The following TMEM135 variants were observed in gnomAD, a reference collection of about 807,000 sequenced individuals.
TMEM135 encodes transmembrane protein 135, also known as peroxisomal membrane protein 52.
TMEM135 carries 30 observed loss-of-function variants against 60.3 expected under a neutral mutation model. The observed-to-expected ratio is 0.50, with a 90% CI of 0.37 to 0.68. TMEM135 has a LOEUF of 0.68. Ranked by LOEUF, TMEM135 falls within the 30% of genes least tolerant of loss-of-function variation. The pLI is 0.00. For synonymous variants in TMEM135, 190 were observed against 186.7 expected (o/e 1.02, Z -0.14); for missense variants, 468 against 548.8 (o/e 0.85, Z 1.47).
intron 6 of TMEM135, among the ~76,000 whole-genome samples, chr11:87,246,404 G>T (rs1202001757): frequency 6.6e-6 from 1 of 151,852 alleles, no homozygotes; most frequent in Non-Finnish European, 1.5e-5. Context: ...GGCCTGCCTT[G>T]CTAGATTGGG....
At chr11:87,188,917 G>T (rs1402681715) in intron 5 of TMEM135, among the ~76,000 whole-genome samples, 1 of 151,804 alleles carries the variant, frequency 6.6e-6, no homozygotes, top group Non-Finnish European at 1.5e-5. Flanking sequence ...TGAACATTTG[G>T]TACATGTGCC....
In TMEM135 at chr11:87,159,617, A is replaced by ACACACACACACACACCCCCC. The variant is rs140303858; in HGVS notation, c.462+2212_462+2213insACACACACACACACCCCCCC. On this transcript the variant is annotated intron_variant, in intron 5 of 14. Transcript: ENST00000305494. Reference sequence around the variant, plus strand: ...CGCACACACACACACACACACACACACCATAGATTTTCCGAGACGGTTGGC... The same window carrying ACACACACACACACACCCCCC: ...CGCACACACACACACACACACACACACACACACACACACACCCCCCCCATAGATTTTCCGAGACGGTTGGC... 3.2e-3 allele frequency among the ~76,000 whole-genome samples: 471 copies of ACACACACACACACACCCCCC among 149,446 alleles called. 8 individuals carry two copies. Among genetic ancestry groups the ACACACACACACACACCCCCC allele is most frequent in the Admixed American group, 0.019 (291 of 14,942 alleles).
chr11:87,058,625 T>G (rs1422331100), intron 1 of TMEM135, among the ~76,000 whole-genome samples: 1 of 151,900 alleles, frequency 6.6e-6, no homozygotes, highest in Non-Finnish European at 1.5e-5. Flanking sequence ...TCTTATTTTA[T>G]TTTATTTTAT....
At chr11:87,073,650 T>C (rs1590997691) in intron 3 of TMEM135, among the ~76,000 whole-genome samples, 2 of 152,250 alleles carry the variant, frequency 1.3e-5, no homozygotes, top group Admixed American at 1.3e-4. Flanking sequence ...AATGATAATC[T>C]ATTTGTAGGA....
chr11:87,240,606 T>A (rs891657311), intron 6 of TMEM135, among the ~76,000 whole-genome samples: 1 of 151,974 alleles, frequency 6.6e-6, no homozygotes, highest in Non-Finnish European at 1.5e-5. Flanking sequence ...ACAATAAACA[T>A]CAAAACTATT....
chr11:87,045,684 G>C (rs1023229983), intron 1 of TMEM135, among the ~76,000 whole-genome samples: 1 of 152,218 alleles, frequency 6.6e-6, no homozygotes, highest in Non-Finnish European at 1.5e-5. Context: ...TTGTGATAGA[G>C]ATTAGTCTGA....
At chr11:87,302,998 T>G (rs1236653211) in intron 8 of TMEM135, among the ~76,000 whole-genome samples, 1 of 151,806 alleles carries the variant, frequency 6.6e-6, no homozygotes, top group East Asian at 1.9e-4. Context: ...GAAATTAGAT[T>G]ATCAACCAAT....
intron 3 of TMEM135, among the ~76,000 whole-genome samples, chr11:87,077,130 A>C (rs1856889817): frequency 6.6e-6 from 1 of 152,224 alleles, no homozygotes; most frequent in Non-Finnish European, 1.5e-5. Flanking sequence ...ATCCCTTTGT[A>C]GTTGCACCAT....
intron 4 of TMEM135, among the ~76,000 whole-genome samples, chr11:87,106,109 CTT>C (rs56723130): frequency 6.8e-6 from 1 of 146,108 alleles, no homozygotes. Context: ...GTATTTCTTT[CTT>C]TTTTTTTTTT....
At chr11:87,249,604 A>C (rs1252024985) in intron 6 of TMEM135, among the ~76,000 whole-genome samples, 1 of 151,908 alleles carries the variant, frequency 6.6e-6, no homozygotes, top group African/African-American at 2.4e-5. Flanking sequence ...TTCTCTTAGT[A>C]CTGCTTTCAC....
intron 5 of TMEM135, among the ~76,000 whole-genome samples, chr11:87,226,515 C>T (rs1391548864): frequency 2.0e-5 from 3 of 152,118 alleles, no homozygotes; most frequent in African/African-American, 7.2e-5. Flanking sequence ...GTAATAAGGA[C>T]TCTAACTTCC....
At chr11:87,053,570 T>G (rs1469921253) in intron 1 of TMEM135, among the ~76,000 whole-genome samples, 2 of 150,828 alleles carry the variant, frequency 1.3e-5, no homozygotes, top group Non-Finnish European at 3.0e-5. Context: ...GAAGAAAGTC[T>G]TTTTAAAATG....
chr11:87,269,248 T>G (rs1476740483), intron 6 of TMEM135, among the ~76,000 whole-genome samples: 3 of 149,834 alleles, frequency 2.0e-5, no homozygotes, highest in Admixed American at 1.3e-4. Context: ...AAGAATCTTG[T>G]AATAGATTTC....
At chr11:87,063,836 T>C (rs1037372041) in intron 1 of TMEM135, among the ~76,000 whole-genome samples, 3 of 152,238 alleles carry the variant, frequency 2.0e-5, no homozygotes, top group African/African-American at 7.2e-5. Context: ...ATGGTAAATA[T>C]GTACAATTTA....
chr11:87,180,883 C>G (rs1939496893), intron 5 of TMEM135, among the ~76,000 whole-genome samples: 1 of 152,178 alleles, frequency 6.6e-6, no homozygotes, highest in South Asian at 2.1e-4. Flanking sequence ...TATTCAAAGT[C>G]TCCCTCCCCT....
intron 6 of TMEM135, among the ~76,000 whole-genome samples, chr11:87,257,376 G>T (rs11235047): frequency 0.35 from 53,732 of 151,844 alleles, 10,063 homozygotes; most frequent in Non-Finnish European, 0.42. Context: ...GTTCTGTGTC[G>T]GAGGTAATCA....
intron 5 of TMEM135, among the ~76,000 whole-genome samples, chr11:87,221,311 A>G (rs2135354144): frequency 6.6e-6 from 1 of 152,306 alleles, no homozygotes; most frequent in Non-Finnish European, 1.5e-5. Context: ...AGATTTTTAT[A>G]GTATATTATT....
At chr11:87,056,696 C>G (rs11234936) in intron 1 of TMEM135, among the ~76,000 whole-genome samples, 23,287 of 152,114 alleles carry the variant, frequency 0.15, 1,859 homozygotes, top group Non-Finnish European at 0.17. Flanking sequence ...CAAGTAGTTA[C>G]TGTTATCTGT....
intron 5 of TMEM135, among the ~76,000 whole-genome samples, chr11:87,211,815 GC>G (rs1940376757): frequency 3.9e-5 from 6 of 152,022 alleles, no homozygotes; most frequent in African/African-American, 1.2e-4. Context: ...GTGGTGGCAG[GC>G]GCCTGTAGTC....
Sources: gnomAD v4.1 joint callset for allele counts (sites outside exome capture counted in the v4.1 genomes callset) on GRCh38, gnomAD v4.1.1 for gene constraint, MANE v1.5 for transcripts, NCBI Gene and HGNC (gene_info 2026-07-23, HGNC 2026-07-21) for gene names.